DOK6: variants seen among roughly 807,000 people sequenced by gnomAD.
DOK6 encodes the protein docking protein 6, also known as downstream of tyrosine kinase 6.
In DOK6, 22 loss-of-function variants were observed where a neutral mutation model predicts 44.0. The observed-to-expected ratio is 0.50, with a 90% CI of 0.36 to 0.71. The LOEUF is 0.71. Among genes scored for constraint, DOK6 ranks in the 30% least tolerant of loss-of-function variants. The pLI is 0.00. For synonymous variants in DOK6, 166 were observed against 145.5 expected, an observed-to-expected ratio of 1.14 and a Z score of -1.01; for missense variants, 340 against 416.4, an observed-to-expected ratio of 0.82 and a Z score of 1.60.
intron 5 of DOK6, among the ~76,000 whole-genome samples, chr18:69,699,038 A>T (rs1290951176): frequency 6.6e-6 from 1 of 152,192 alleles, no homozygotes; most frequent in Non-Finnish European, 1.5e-5. Context: ...TATTGCTTTT[A>T]GGCAAATATA....
intron 3 of DOK6, among the ~76,000 whole-genome samples, chr18:69,639,865 G>A (rs1055162249): frequency 9.2e-5 from 14 of 152,094 alleles, no homozygotes; most frequent in Non-Finnish European, 1.6e-4. Flanking sequence ...TTTCTTTCCT[G>A]TCCCAAAGCT....
chr18:69,513,118 C>T (rs56386984), intron 1 of DOK6, among the ~76,000 whole-genome samples: 32,043 of 148,828 alleles, frequency 0.22, 3,940 homozygotes, highest in South Asian at 0.34. Flanking sequence ...TAACAAAGCT[C>T]GTTCACTAAA....
intron 3 of DOK6, among the ~76,000 whole-genome samples, chr18:69,610,474 C>T (rs1200048489): frequency 1.3e-5 from 2 of 152,144 alleles, no homozygotes. Context: ...AACAGTTGAG[C>T]ATTTATGGTG....
chr18:69,466,987 A>T, intron 1 of DOK6, among the ~76,000 whole-genome samples: 1 of 152,104 alleles, frequency 6.6e-6, no homozygotes, highest in Non-Finnish European at 1.5e-5. Flanking sequence ...GAAGGAGGAA[A>T]GACCATGAAG....
chr18:69,628,189 T>C (rs1198069774), intron 3 of DOK6, among the ~76,000 whole-genome samples: 1 of 152,196 alleles, frequency 6.6e-6, no homozygotes, highest in Non-Finnish European at 1.5e-5. Flanking sequence ...GGTTGCTGTG[T>C]CATCAAATGT....
At chr18:69,461,120 G>A (rs959273879) in intron 1 of DOK6, among the ~76,000 whole-genome samples, 5 of 152,090 alleles carry the variant, frequency 3.3e-5, no homozygotes, top group Non-Finnish European at 7.3e-5. Context: ...TAGTGGTATT[G>A]TAAAGCAAGC....
chr18:69,534,095 A>G (rs1982055196), intron 1 of DOK6, among the ~76,000 whole-genome samples: 1 of 152,072 alleles, frequency 6.6e-6, no homozygotes, highest in African/African-American at 2.4e-5. Context: ...CAACTCTTAG[A>G]AGCTCTTTTT....
intron 2 of DOK6, among the ~76,000 whole-genome samples, chr18:69,565,881 G>A (rs1982964991): frequency 6.6e-6 from 1 of 152,242 alleles, no homozygotes; most frequent in Admixed American, 6.5e-5. Context: ...GAATTCTAAA[G>A]TCTTGCTGAT....
chr18:69,685,131 C>T (rs10513971), intron 4 of DOK6, among the ~76,000 whole-genome samples: 18,732 of 151,988 alleles, frequency 0.12, 1,330 homozygotes, highest in South Asian at 0.23. Flanking sequence ...AGAAAATTAA[C>T]GCAATTTAAC....
At chr18:69,500,485 A>G (rs1981017967) in intron 1 of DOK6, among the ~76,000 whole-genome samples, 1 of 152,046 alleles carries the variant, frequency 6.6e-6, no homozygotes, top group African/African-American at 2.4e-5. Context: ...TGTAGCCACT[A>G]TTGGATGTTC....
intron 1 of DOK6, among the ~76,000 whole-genome samples, chr18:69,525,707 T>C (rs1981811378): frequency 6.6e-6 from 1 of 152,090 alleles, no homozygotes; most frequent in African/African-American, 2.4e-5. Flanking sequence ...ATAAAGTCTC[T>C]TTTACAGCTA....
At chr18:69,497,192 G>A (rs1242308017) in intron 1 of DOK6, among the ~76,000 whole-genome samples, 7 of 152,120 alleles carry the variant, frequency 4.6e-5, no homozygotes, top group Admixed American at 6.6e-5. Context: ...GGAAAGCTAC[G>A]CATAAGATTA....
In DOK6 at chr18:69,564,423, C is replaced by A. The variant is rs113664662; in HGVS notation, c.67-64C>A. On this transcript the variant is annotated intron_variant, in intron 1 of 7. Coordinates refer to ENST00000382713, the MANE Select transcript of DOK6 (RefSeq NM_152721.6). ...CACTTAAAAAATTGATTAATTGAAT[C>A]AACTCCTAATGTCGTAAACTCATGT... The A allele has an allele frequency of 2.0e-4, 279 of 1,387,646 alleles. 1 individual carries two copies. In the African/African-American group the frequency reaches 3.6e-3, roughly 18 times the overall value. The allele number at this position is 1,387,646 out of a possible 1,614,324, so 86.0% of individuals were successfully genotyped here.
intron 5 of DOK6, among the ~76,000 whole-genome samples, chr18:69,735,899 G>C (rs1385665047): frequency 6.6e-6 from 1 of 152,210 alleles, no homozygotes; most frequent in African/African-American, 2.4e-5. Flanking sequence ...ACTGGTGCCT[G>C]CTAAGTTAAC....
intron 5 of DOK6, among the ~76,000 whole-genome samples, chr18:69,704,169 G>A (rs903133706): frequency 8.5e-5 from 13 of 152,160 alleles, no homozygotes; most frequent in Non-Finnish European, 8.8e-5. Flanking sequence ...AAATACTTTA[G>A]TACAGTGGTA....
Position 69,846,806 on chromosome 18 carries a change from AG to A in DOK6, c.*5426del, listed in dbSNP as rs2145146300. On this transcript the variant is annotated 3_prime_UTR_variant, in exon 8 of 8. Transcript: ENST00000382713. ...ACTTTGTTGCATAATTGATAACATCAGGGCTACATTTTTTTCATGTGAGCCT... is the reference window on the plus strand; with the variant it reads ...ACTTTGTTGCATAATTGATAACATCAGGCTACATTTTTTTCATGTGAGCCT... The A allele has an allele frequency of 6.6e-6, 1 of 152,304 alleles. No individual in the cohort carries two copies. Among genetic ancestry groups the A allele is most frequent in the Non-Finnish European group, 1.5e-5 (1 of 68,012 alleles). 9.4% of individuals were successfully genotyped at this position (152,304 alleles called of 1,614,324 possible). A position where few individuals can be genotyped will look rare whatever the true frequency, so the allele number is the denominator to read the frequency against.
At chr18:69,518,179 A>C (rs967542722) in intron 1 of DOK6, among the ~76,000 whole-genome samples, 2 of 152,154 alleles carry the variant, frequency 1.3e-5, no homozygotes, top group African/African-American at 4.8e-5. Flanking sequence ...ATAAATTGAA[A>C]ATTTGTTTCC....
intron 7 of DOK6, among the ~76,000 whole-genome samples, chr18:69,760,897 G>A (rs374257381): frequency 1.5e-4 from 9 of 59,198 alleles, no homozygotes; most frequent in African/African-American, 7.6e-4. Flanking sequence ...GGTGTTTTCT[G>A]TCTAGTAGGA....
chr18:69,468,059 T>C (rs1979979367), intron 1 of DOK6, among the ~76,000 whole-genome samples: 1 of 152,188 alleles, frequency 6.6e-6, no homozygotes, highest in Admixed American at 6.5e-5. Context: ...TTACTGTGTT[T>C]CTCATTATTA....
Sources: gnomAD v4.1 joint callset for allele counts (sites outside exome capture counted in the v4.1 genomes callset) on GRCh38, gnomAD v4.1.1 for gene constraint, MANE v1.5 for transcripts, NCBI Gene and HGNC (gene_info 2026-07-23, HGNC 2026-07-21) for gene names.